Variants in DHX34 observed in about 807,000 individuals in gnomAD.
The protein encoded by DHX34 is probable ATP-dependent RNA helicase DHX34.
In DHX34, 96 loss-of-function variants were observed where a neutral mutation model predicts 111.1. The observed-to-expected ratio is 0.86, with a 90% CI of 0.73 to 1.02. DHX34 has a LOEUF of 1.02. DHX34 is among the 50% of genes least tolerant of loss of function. DHX34 has a pLI of 0.00. For synonymous variants in DHX34, 688 were observed against 670.4 expected (o/e 1.03, Z -0.41); for missense variants, 1,560 against 1,579.9 (o/e 0.99, Z 0.21).
intron 7 of DHX34, among the ~76,000 whole-genome samples, chr19:47,371,774 AT>A (rs1336909066): frequency 6.6e-6 from 1 of 151,768 alleles, no homozygotes; most frequent in African/African-American, 2.4e-5. Flanking sequence ...TAATTTTTGT[AT>A]TTTTAGTAGA....
chr19:47,378,155 G>T (rs1970230265), intron 13 of DHX34, among the ~76,000 whole-genome samples: 1 of 152,152 alleles, frequency 6.6e-6, no homozygotes, highest in South Asian at 2.1e-4. Context: ...GTGGAGGGGA[G>T]AGAGGAACCT....
At chr19:47,369,897 A>G (rs1472263857) in intron 7 of DHX34, among the ~76,000 whole-genome samples, 3 of 152,074 alleles carry the variant, frequency 2.0e-5, no homozygotes, top group Admixed American at 2.0e-4. Context: ...GTCGACGGAG[A>G]CCATTTTCAG....
At chr19:47,354,894 T>C (rs998416500) in intron 2 of DHX34, 145 bp from the exon 3 acceptor site, 19 of 1,421,472 alleles carry the variant, frequency 1.3e-5, no homozygotes, top group Non-Finnish European at 1.8e-5. Flanking sequence ...CCTCAGGTGA[T>C]CCGCCCGCCT....
At position 47,377,341 on chromosome 19, in the gene DHX34, G is replaced by A. The variant is rs554486381; in HGVS notation, c.2706+135G>A. The A allele has an allele frequency of 4.4e-5, 39 of 888,884 alleles. No individual in the cohort carries two copies. The Admixed American group carries it at 7.1e-4, about 16-fold the overall frequency. The allele number at this position is 888,884 out of a possible 1,614,324, so 55.1% of individuals were successfully genotyped here. On this transcript the variant is annotated intron_variant, in intron 13 of 16. Transcript: ENST00000328771. ...TGGCCGCAGGCGTCAGCCTTGGGCCGTTGCTGTGGCTGCTTTTTCTCTCAT... is the reference window on the plus strand; with the variant it reads ...TGGCCGCAGGCGTCAGCCTTGGGCCATTGCTGTGGCTGCTTTTTCTCTCAT...
chr19:47,378,455 C>T (rs906297934), intron 13 of DHX34, among the ~76,000 whole-genome samples: 4 of 152,242 alleles, frequency 2.6e-5, no homozygotes, highest in African/African-American at 7.2e-5. Context: ...GCACGCAGGC[C>T]GAGGGACAGA....
At position 47,362,647 on chromosome 19, in the gene DHX34, C is replaced by G; in HGVS notation, c.1547C>G (p.Pro516Arg). ...GACTATGATGCCTTCGCCCCCTACCCCGTCCCAGAAATTCGGAGGGTGGCC... is the reference window on the plus strand; with the variant it reads ...GACTATGATGCCTTCGCCCCCTACCGCGTCCCAGAAATTCGGAGGGTGGCC... Reference protein sequence around the residue: ...ESDYDAFAPYPVPEIRRVALD... With the variant: ...ESDYDAFAPYRVPEIRRVALD... The change falls in exon 6 of 17, where the codon CCC becomes CGC. Residue 516 changes from proline (P) to arginine (R), a missense_variant. Pro to Arg is a moderately radical substitution (Grantham distance 103). Transcript: ENST00000328771. 6.2e-7 allele frequency: 1 copy of G among 1,613,474 alleles called. No homozygotes were observed. The highest frequency in any genetic ancestry group is 1.1e-5 in the South Asian group (1 of 91,048).
intron 13 of DHX34, 121 bp downstream of exon 13, chr19:47,377,327 G>T (rs73940814): frequency 6.5e-5 from 68 of 1,048,476 alleles, no homozygotes; most frequent in Non-Finnish European, 8.4e-5. Context: ...GGCCGCAGGC[G>T]TCAGCCTTGG....
chr19:47,365,196 C>G (rs1328545750), intron 6 of DHX34, among the ~76,000 whole-genome samples: 2 of 151,580 alleles, frequency 1.3e-5, no homozygotes, highest in African/African-American at 4.9e-5. Flanking sequence ...GGCCCTGCCC[C>G]CTGCCTCTTT....
chr19:47,372,524 G>T (rs1325294433), intron 7 of DHX34: 2 of 865,934 alleles, frequency 2.3e-6, no homozygotes, highest in African/African-American at 3.7e-5. Context: ...TACAAATGGG[G>T]AAACTGAGGC....
chr19:47,373,243 ACCCTGG>A (rs1272996645), intron 8 of DHX34, among the ~76,000 whole-genome samples: 1 of 152,028 alleles, frequency 6.6e-6, no homozygotes, highest in Non-Finnish European at 1.5e-5. Context: ...CCTCACCCTA[ACCCTGG>A]CCCTGTAGTG....
chr19:47,365,791 C>T (rs1193942696), intron 6 of DHX34, among the ~76,000 whole-genome samples: 2 of 152,198 alleles, frequency 1.3e-5, no homozygotes, highest in African/African-American at 4.8e-5. Context: ...TTACGTATGC[C>T]ACGCCAGACC....
chr19:47,372,586 C>T (rs1969996967), intron 7 of DHX34, 144 bp from the exon 8 acceptor site: 2 of 1,404,738 alleles, frequency 1.4e-6, no homozygotes, highest in Non-Finnish European at 1.9e-6. Flanking sequence ...TTTGAATCTC[C>T]ATCTGGGTCA....
rs752951912 is a variant in DHX34, at chr19:47,353,469, C to T, written c.439C>T (p.Gln147Ter). The T allele has an allele frequency of 1.9e-5, 30 of 1,614,020 alleles. No individual in the cohort carries two copies. In the South Asian group the frequency reaches 2.1e-4, roughly 11 times the overall value. Residue 147 changes from glutamine (Q) to a stop codon, truncating the protein, a stop_gained, in exon 2 of 17, where the codon CAG becomes TAG. Coordinates refer to ENST00000328771, the MANE Select transcript of DHX34 (RefSeq NM_014681.6). LOFTEE classifies it high-confidence loss of function. This position sits in a 1 kb window ranked among gnomAD's most constrained non-coding sequence, Gnocchi z 4.6. ...GCACTACCTGGACTTTGGCCAGAAG[C>T]AGGCATTTGGGCGTCTGGCCAAGCT... ...LLHYLDFGQKQAFGRLAKLQR... is the reference protein window; with the variant it reads ...LLHYLDFGQK
chr19:47,359,606 A>AC (rs766241951), intron 4 of DHX34, among the ~76,000 whole-genome samples: 17 of 151,978 alleles, frequency 1.1e-4, no homozygotes, highest in African/African-American at 3.1e-4. Context: ...ACATGGTGAG[A>AC]CCCCGTCTCT....
At position 47,357,965 on chromosome 19, in the gene DHX34, T is replaced by C. The variant is rs1159658774; in HGVS notation, c.1117T>C (p.Tyr373His). 6.2e-7 allele frequency: 1 copy of C among 1,613,918 alleles called. No homozygotes were observed. The highest frequency in any genetic ancestry group is 8.5e-7 in the Non-Finnish European group (1 of 1,180,052). Residue 373 changes from tyrosine to histidine, a missense_variant, in exon 4 of 17, where the codon TAC becomes CAC. Physicochemically the swap from Tyr to His is moderately conservative, Grantham distance 83 (BLOSUM62 2). Transcript: ENST00000328771. Reference sequence around the variant, plus strand: ...GGTGCTGGAGTCCATTGACCACAAGTACCCGCCTGAGGAGCGGGGTGACCT... The same window carrying C: ...GGTGCTGGAGTCCATTGACCACAAGCACCCGCCTGAGGAGCGGGGTGACCT... ...LRVLESIDHKYPPEERGDLLV... is the reference protein window; with the variant it reads ...LRVLESIDHKHPPEERGDLLV...
At position 47,355,208 on chromosome 19, in the gene DHX34, T is replaced by C. The variant is rs754951585; in HGVS notation, c.875T>C (p.Leu292Pro). The change falls in exon 3 of 17, where the codon CTG (leucine) becomes CCG (proline). Residue 292 changes from leucine to proline, a missense_variant. Leu to Pro is a moderately conservative substitution (Grantham distance 98). Coordinates refer to ENST00000328771, the MANE Select transcript of DHX34 (RefSeq NM_014681.6). ...HERHLHNDFL[L>P]GVLQRLLPTR... is the part of the protein sequence containing the mutation. ...CGGCATCTCCACAACGATTTCCTCC[T>C]GGGCGTCCTCCAGCGCCTGTTGCCC... 8 of 1,614,114 alleles carry C rather than the reference T, an allele frequency of 5.0e-6. No individual in the cohort carries two copies. Among genetic ancestry groups the C allele is most frequent in the Middle Eastern group, 1.6e-4 (1 of 6,084 alleles).
chr19:47,355,171 G>A lies in DHX34; in HGVS notation c.838G>A (p.Glu280Lys), dbSNP rs1286675066. 6.2e-7 allele frequency: 1 copy of A among 1,614,154 alleles called. No homozygotes were observed. The highest frequency in any genetic ancestry group is 1.7e-5 in the Admixed American group (1 of 60,012). The stretch of plus-strand genomic sequence containing the variant: ...CCAGTATGAGGTCCTGATTGTGGAT[G>A]AAGTCCATGAGCGGCATCTCCACAA... ...LPQYEVLIVD[E>K]VHERHLHNDF... Residue 280 changes from glutamate to lysine, a missense_variant, in exon 3 of 17, where the codon GAA (glutamate) becomes AAA (lysine). Physicochemically the swap from Glu to Lys is moderately conservative, Grantham distance 56. Coordinates refer to ENST00000328771, the MANE Select transcript of DHX34 (RefSeq NM_014681.6).
Position 47,375,451 on chromosome 19 carries a change from C to T in DHX34, c.2065-15C>T. 2 of 1,575,542 alleles carry T rather than the reference C, an allele frequency of 1.3e-6. No individual in the cohort carries two copies. ...GTCTGCCCTGAGGCCCTCACCCCTA[C>T]CCACCTGCCCCTAGGAGCTGTTGGA... On this transcript the variant is annotated splice_polypyrimidine_tract_variant and intron_variant, in intron 9 of 16. Coordinates refer to ENST00000328771, the MANE Select transcript of DHX34 (RefSeq NM_014681.6).
intron 6 of DHX34, among the ~76,000 whole-genome samples, chr19:47,363,042 C>T (rs1011300881): frequency 1.3e-5 from 2 of 152,026 alleles, no homozygotes; most frequent in Non-Finnish European, 2.9e-5. Flanking sequence ...CCTCCGCCTC[C>T]CAGGTTTAAG....
Sources: allele counts gnomAD v4.1 joint callset (sites outside exome capture counted in the v4.1 genomes callset), GRCh38; gene constraint gnomAD v4.1.1; non-coding constraint Gnocchi (gnomAD v3.1); transcripts MANE v1.5; gene names NCBI Gene and HGNC (gene_info 2026-07-23, HGNC 2026-07-21).